Variants in PCDHA3 observed in about 807,000 individuals in gnomAD.
PCDHA3 encodes protocadherin alpha-3.
PCDHA3 carries 41 observed loss-of-function variants against 62.2 expected under a neutral mutation model. The ratio of observed to expected loss-of-function variants is 0.66; its 90% confidence interval spans 0.51 to 0.86. The LOEUF is 0.86. PCDHA3 is among the 40% of genes least tolerant of loss of function. PCDHA3 has a pLI of 0.00. For missense variants in PCDHA3, 1,304 were observed against 1,241.2 expected (o/e 1.05, Z -0.76); for synonymous variants, 640 against 555.4 (o/e 1.15, Z -2.14).
chr5:140,966,589 GGCCAGGA>G (rs1554228448), intron 1 of PCDHA3: 2 of 580,716 alleles, frequency 3.4e-6, no homozygotes, highest in Non-Finnish European at 5.5e-6. Flanking sequence ...AGGACGGTGG[GGCCAGGA>G]GCCCTTGGGA....
intron 1 of PCDHA3, among the ~76,000 whole-genome samples, chr5:140,806,163 G>T (rs980767423): frequency 1.3e-5 from 2 of 152,156 alleles, no homozygotes; most frequent in African/African-American, 2.4e-5. Context: ...ATAAAATGGG[G>T]TAAATTGGCT....
At chr5:140,877,511 C>G in intron 1 of PCDHA3, 1 of 1,613,808 alleles carries the variant, frequency 6.2e-7, no homozygotes, top group South Asian at 1.1e-5. Context: ...AAGACGTCGT[C>G]GCGGGCCTCA....
chr5:140,849,715 T>A (rs2150446343), intron 1 of PCDHA3: 2 of 1,598,584 alleles, frequency 1.3e-6, no homozygotes. Context: ...TACTACTCGT[T>A]GGTGCTGGAC....
At chr5:140,843,511 C>A (rs2150361432) in intron 1 of PCDHA3, 3 of 1,595,670 alleles carry the variant, frequency 1.9e-6, no homozygotes, top group East Asian at 2.2e-5. Context: ...CCACTGAGGG[C>A]GGGTGCCGGG....
intron 1 of PCDHA3, chr5:140,871,160 C>G (rs1554165222): frequency 1.2e-6 from 2 of 1,613,470 alleles, no homozygotes; most frequent in South Asian, 1.1e-5. Flanking sequence ...GCGGGCGCCG[C>G]GAGCCCAGAG....
chr5:140,836,581 G>A (rs1774589898), intron 1 of PCDHA3: 2 of 1,613,662 alleles, frequency 1.2e-6, no homozygotes, highest in African/African-American at 2.7e-5. Flanking sequence ...GGCGCATGTA[G>A]TTTGGTAAAG....
intron 1 of PCDHA3, chr5:140,877,122 G>C: frequency 2.5e-6 from 4 of 1,613,718 alleles, no homozygotes; most frequent in Non-Finnish European, 3.4e-6. Context: ...GCAACGTGAC[G>C]CTGCAGGTGT....
At chr5:140,982,127 C>G (rs1367393953) in intron 2 of PCDHA3, among the ~76,000 whole-genome samples, 1 of 152,244 alleles carries the variant, frequency 6.6e-6, no homozygotes, top group Non-Finnish European at 1.5e-5. Flanking sequence ...CTTTTGAGAA[C>G]AAGCCCTCCT....
rs2150458258 is a variant in PCDHA3 at position 140,849,933 on chromosome 5, C to T, written c.2394+46342C>T. On this transcript the variant is annotated intron_variant, in intron 1 of 3. Transcript: ENST00000522353. Reference sequence around the variant, plus strand: ...CTGCCACATCTTCACGGTGTCTGCGCGGGACGCTGACGCGCAGGAGAACGC... The same window carrying T: ...CTGCCACATCTTCACGGTGTCTGCGTGGGACGCTGACGCGCAGGAGAACGC... The T allele has an allele frequency of 9.3e-5, 149 of 1,598,118 alleles. 10 individuals are homozygous for T. The highest frequency in any genetic ancestry group is 7.4e-4 in the South Asian group (67 of 90,542).
intron 2 of PCDHA3, among the ~76,000 whole-genome samples, chr5:140,981,563 G>A (rs2096938689): frequency 6.6e-6 from 1 of 152,110 alleles, no homozygotes; most frequent in African/African-American, 2.4e-5. Flanking sequence ...GACAGAGTGA[G>A]GCTTTGTCTC....
intron 1 of PCDHA3, among the ~76,000 whole-genome samples, chr5:140,832,602 G>C (rs1385088779): frequency 1.3e-5 from 2 of 152,158 alleles, no homozygotes; most frequent in African/African-American, 4.8e-5. Context: ...CTATAGCGTT[G>C]CTAGTGAGTA....
chr5:140,802,276 T>C lies in PCDHA3; in HGVS notation c.1079T>C (p.Leu360Ser), dbSNP rs781881144. Residue 360 changes from leucine to serine, a missense_variant, in exon 1 of 4, where the codon TTA (leucine) becomes TCA (serine). Coordinates refer to ENST00000522353, the MANE Select transcript of PCDHA3 (RefSeq NM_018906.3). Reference protein sequence around the residue: ...LVIQSLSLPVLEDSPLSTVIA... With the variant: ...LVIQSLSLPVSEDSPLSTVIA... ...ATTCAATCACTATCTTTACCTGTAT[T>C]AGAAGACTCTCCACTTAGCACAGTC... is the stretch of plus-strand genomic sequence containing the variant. 6.2e-7 allele frequency: 1 copy of C among 1,614,220 alleles called. No homozygotes were observed.
chr5:140,807,279 T>C lies in PCDHA3; in HGVS notation c.2394+3688T>C, dbSNP rs782310722. ...GCCTGGGAGGCAGGGAACGGTCAGC[T>C]CCACTACTCGGTCTCCGAGGAGGCC... On this transcript the variant is annotated intron_variant, in intron 1 of 3. Transcript: ENST00000522353. 3.7e-6 allele frequency: 6 copies of C among 1,614,094 alleles called. No homozygotes were observed. The Admixed American group carries it at 6.7e-5, about 18-fold the overall frequency.
chr5:140,994,317 T>A (rs1053879490), intron 3 of PCDHA3, among the ~76,000 whole-genome samples: 7 of 152,086 alleles, frequency 4.6e-5, no homozygotes, highest in African/African-American at 1.7e-4. Flanking sequence ...GCCCAAACAC[T>A]CTCAGCAACC....
rs143060335 is a variant in PCDHA3 at position 140,868,584 on chromosome 5, G to A, written c.2394+64993G>A. 748 of 153,118 alleles carry A rather than the reference G, an allele frequency of 4.9e-3. 7 individuals carry two copies. Among genetic ancestry groups the A allele is most frequent in the African/African-American group, 0.016 (680 of 41,552 alleles). The allele number at this position is 153,118 out of a possible 1,614,324, so 9.5% of individuals were successfully genotyped here. A position where few individuals can be genotyped will look rare whatever the true frequency, so the allele number is the denominator to read the frequency against. Reference sequence around the variant, plus strand: ...ATGAGGAACAACACTTTCAGGAAATGTTTAACCCTAGTTTTTCATGAGGCC... The same window carrying A: ...ATGAGGAACAACACTTTCAGGAAATATTTAACCCTAGTTTTTCATGAGGCC... On this transcript the variant is annotated intron_variant, in intron 1 of 3. Transcript: ENST00000522353.
chr5:140,828,150 T>C, intron 1 of PCDHA3: 1 of 1,614,088 alleles, frequency 6.2e-7, no homozygotes, highest in Non-Finnish European at 8.5e-7. Flanking sequence ...CCGCTTCTGC[T>C]CCTCGCAGCC....
intron 1 of PCDHA3, chr5:140,927,199 G>A: frequency 4.3e-6 from 7 of 1,614,128 alleles, no homozygotes; most frequent in Non-Finnish European, 5.9e-6. Context: ...GGTGCTCGAG[G>A]ACCCGCTGGA....
chr5:140,947,569 A>G (rs2094145868), intron 1 of PCDHA3, among the ~76,000 whole-genome samples: 1 of 151,666 alleles, frequency 6.6e-6, no homozygotes. Flanking sequence ...TATATTGGGA[A>G]TGTTTTTAAC....
intron 1 of PCDHA3, chr5:140,823,865 T>A (rs1554129638): frequency 1.2e-6 from 2 of 1,613,806 alleles, no homozygotes; most frequent in East Asian, 4.5e-5. Flanking sequence ...GATGTCAACG[T>A]GTACCTGATC....
Sources: allele counts gnomAD v4.1 joint callset (sites outside exome capture counted in the v4.1 genomes callset), GRCh38; gene constraint gnomAD v4.1.1; transcripts MANE v1.5; gene names NCBI Gene and HGNC (gene_info 2026-07-23, HGNC 2026-07-21).